The following TMEM132B variants were observed in gnomAD, a reference collection of about 807,000 sequenced individuals.
TMEM132B encodes transmembrane protein 132B.
TMEM132B carries 18 observed loss-of-function variants against 90.8 expected under a neutral mutation model. That is an observed-to-expected ratio of 0.20 (90% CI 0.14 to 0.29). TMEM132B has a LOEUF of 0.29. Among genes scored for constraint, TMEM132B ranks in the 10% least tolerant of loss-of-function variants. The pLI, the probability that TMEM132B is intolerant of heterozygous loss-of-function variation, is 1.00. For synonymous variants in TMEM132B, 504 were observed against 523.3 expected (o/e 0.96, Z 0.50); for missense variants, 1,096 against 1,326.8 (o/e 0.83, Z 2.70).
intron 4 of TMEM132B, among the ~76,000 whole-genome samples, chr12:125,566,666 T>C (rs944608572): frequency 1.3e-5 from 2 of 152,106 alleles, no homozygotes; most frequent in African/African-American, 4.8e-5. Context: ...AGTTGCCAGA[T>C]GCCACAGTTG....
At position 125,308,517 on chromosome 12, in the gene TMEM132B, G is replaced by T. The variant is rs553292414; in HGVS notation, c.68-40935G>T. On this transcript the variant is annotated intron_variant, in intron 1 of 8. Coordinates refer to ENST00000682704, the MANE Select transcript of TMEM132B (RefSeq NM_001366854.1). ...GAATATTAAGACATGAGATTGCTGGGCTCAAGGGGTTATGCATTTGCCATT... is the reference window on the plus strand; with the variant it reads ...GAATATTAAGACATGAGATTGCTGGTCTCAAGGGGTTATGCATTTGCCATT... Among the ~76,000 whole-genome samples the T allele has an allele frequency of 1.4e-3, 214 of 152,220 alleles. 2 individuals carry two copies. Among genetic ancestry groups the T allele is most frequent in the Non-Finnish European group, 2.0e-3 (138 of 68,002 alleles).
At position 125,658,627 on chromosome 12, in the gene TMEM132B, G is replaced by A. The variant is rs1255242086; in HGVS notation, c.*3917G>A. 1 of 152,234 alleles carries A rather than the reference G, an allele frequency of 6.6e-6. No homozygotes were observed. Among genetic ancestry groups the A allele is most frequent in the Non-Finnish European group, 1.5e-5 (1 of 68,054 alleles). 9.4% of individuals were successfully genotyped at this position (152,234 alleles called of 1,614,324 possible). A position where few individuals can be genotyped will look rare whatever the true frequency, so the allele number is the denominator to read the frequency against. On this transcript the variant is annotated 3_prime_UTR_variant, in exon 9 of 9. Transcript: ENST00000682704. The stretch of plus-strand genomic sequence containing the variant: ...GTCATGTAAAGGGACGGTATGGATG[G>A]TGGAAAAGTTATGCTAAAATATGGA...
At chr12:125,260,512 CTT>C (rs58139864) in intron 1 of TMEM132B, among the ~76,000 whole-genome samples, 5 of 137,238 alleles carry the variant, frequency 3.6e-5, no homozygotes, top group East Asian at 2.1e-4. Flanking sequence ...TAAGGTTTAC[CTT>C]TTTTTTTTTT....
rs772753714 is a variant in TMEM132B at position 125,653,596 on chromosome 12, G to A, written c.2138G>A (p.Ser713Asn). The A allele has an allele frequency of 9.9e-6, 16 of 1,611,390 alleles. No homozygotes were observed. Among genetic ancestry groups the A allele is most frequent in the Non-Finnish European group, 1.4e-5 (16 of 1,177,720 alleles). The change falls in exon 9 of 9, where the codon AGT becomes AAT. Residue 713 changes from serine to asparagine, a missense_variant. Transcript: ENST00000682704. ...ATAGTAAGTTCTTGGATTTTGTTCA[G>A]TGATGGTTCGGTGACACCTTTAGAC... Reference protein sequence around the residue: ...EAIVSSWILFSDGSVTPLDIY... With the variant: ...EAIVSSWILFNDGSVTPLDIY...
chr12:125,307,980 TTAAG>T (rs1306947203), intron 1 of TMEM132B, among the ~76,000 whole-genome samples: 3 of 135,978 alleles, frequency 2.2e-5, no homozygotes, highest in Non-Finnish European at 4.6e-5. Flanking sequence ...TATAAGTATA[TTAAG>T]TAATATAAAT....
At chr12:125,351,306 GT>G (rs1446843365) in intron 2 of TMEM132B, among the ~76,000 whole-genome samples, 1 of 152,182 alleles carries the variant, frequency 6.6e-6, no homozygotes, top group East Asian at 1.9e-4. Flanking sequence ...AGGGGTCATG[GT>G]TTGCCAACCC....
intron 4 of TMEM132B, among the ~76,000 whole-genome samples, chr12:125,582,204 G>C (rs1000897071): frequency 2.6e-5 from 4 of 151,748 alleles, no homozygotes; most frequent in African/African-American, 9.7e-5. Context: ...AAAACTGAAT[G>C]AGGATGTAAT....
chr12:125,463,979 C>G (rs746667208), intron 3 of TMEM132B, among the ~76,000 whole-genome samples: 6 of 152,100 alleles, frequency 3.9e-5, no homozygotes, highest in Non-Finnish European at 1.5e-5. Flanking sequence ...TTAAAACCAT[C>G]AGCTCTCATG....
At chr12:125,434,729 T>C (rs1880650590) in intron 3 of TMEM132B, among the ~76,000 whole-genome samples, 1 of 152,230 alleles carries the variant, frequency 6.6e-6, no homozygotes, top group Non-Finnish European at 1.5e-5. Flanking sequence ...CTTGCTGTTC[T>C]AATCTCTGTG....
intron 1 of TMEM132B, among the ~76,000 whole-genome samples, chr12:125,282,123 T>C (rs913036566): frequency 1.3e-5 from 2 of 149,576 alleles, no homozygotes; most frequent in Non-Finnish European, 3.0e-5. Context: ...GTCACGGACA[T>C]GGAAGTGGTG....
chr12:125,317,627 G>A (rs387024), intron 1 of TMEM132B, among the ~76,000 whole-genome samples: 34,050 of 151,056 alleles, frequency 0.23, 4,223 homozygotes, highest in African/African-American at 0.32. Context: ...ATCCTCCTCC[G>A]TCATCAGCTT....
intron 5 of TMEM132B, among the ~76,000 whole-genome samples, chr12:125,611,604 GTCT>G (rs1190132007): frequency 2.6e-5 from 4 of 151,904 alleles, no homozygotes; most frequent in Admixed American, 6.6e-5. Context: ...GGTGTACTGT[GTCT>G]TCATTTTCAT....
chr12:125,494,605 T>A (rs1237191786), intron 3 of TMEM132B, among the ~76,000 whole-genome samples: 4 of 90,424 alleles, frequency 4.4e-5, no homozygotes, highest in Admixed American at 2.7e-4. Context: ...TCCCTGAAAA[T>A]GGCCGCGTCC....
At chr12:125,293,328 G>T (rs900976559) in intron 1 of TMEM132B, among the ~76,000 whole-genome samples, 1 of 152,172 alleles carries the variant, frequency 6.6e-6, no homozygotes, top group African/African-American at 2.4e-5. Context: ...GATTCAGGGG[G>T]TACTTGTGCA....
chr12:125,407,721 C>T lies in TMEM132B; in HGVS notation c.960-7810C>T, dbSNP rs1185727132. Among the ~76,000 whole-genome samples, 5 of 152,136 alleles carry T rather than the reference C, an allele frequency of 3.3e-5. No homozygotes were observed. The highest frequency in any genetic ancestry group is 1.2e-4 in the African/African-American group (5 of 41,424). ...TTGTCGCTCAGAACCAAAGGGACCG[C>T]GGACACCTGGTGGAGGTCTGGGGGA... On this transcript the variant is annotated intron_variant, in intron 2 of 8. Transcript: ENST00000682704. The surrounding 1 kb of genome is among the most constrained non-coding windows in gnomAD (Gnocchi z 6.7).
chr12:125,644,271 G>A lies in TMEM132B; in HGVS notation c.1633G>A (p.Ala545Thr). 1 of 1,614,120 alleles carries A rather than the reference G, an allele frequency of 6.2e-7. No homozygotes were observed. ...CAAGGGCTGGAGGATCCCGGTTGCT[G>A]CCAACAGAAGGTGAGGAATCAAAGA... is the stretch of plus-strand genomic sequence containing the variant. ...QIKGWRIPVA[A>T]NRRPTRESDD... Residue 545 changes from alanine (A) to threonine (T), a missense_variant, in exon 6 of 9, where the codon GCC (alanine) becomes ACC (threonine). By Grantham distance (58) the Ala-to-Thr change is moderately conservative. Transcript: ENST00000682704.
At chr12:125,297,182 A>G (rs1006250162) in intron 1 of TMEM132B, among the ~76,000 whole-genome samples, 4 of 152,064 alleles carry the variant, frequency 2.6e-5, no homozygotes, top group Admixed American at 6.5e-5. Flanking sequence ...GGCTTTTCCT[A>G]CCCAGTGAGA....
intron 2 of TMEM132B, among the ~76,000 whole-genome samples, chr12:125,375,599 C>T (rs76767027): frequency 0.02 from 3,007 of 152,224 alleles, 95 homozygotes; most frequent in African/African-American, 0.068. Flanking sequence ...CCTGGATGGG[C>T]GAGCAAGTGG....
chr12:125,205,005 T>C (rs1593040651), intron 1 of TMEM132B, among the ~76,000 whole-genome samples: 1 of 105,926 alleles, frequency 9.4e-6, no homozygotes, highest in Non-Finnish European at 1.9e-5. Context: ...TTATGTGGAG[T>C]ATCTCATGAA....
Sources: gnomAD v4.1 joint callset for allele counts (sites outside exome capture counted in the v4.1 genomes callset) on GRCh38, gnomAD v4.1.1 for gene constraint, Gnocchi (gnomAD v3.1) non-coding constraint, MANE v1.5 for transcripts, NCBI Gene and HGNC (gene_info 2026-07-23, HGNC 2026-07-21) for gene names.